The following INTS6 variants were observed in gnomAD, a reference collection of about 807,000 sequenced individuals.
The protein encoded by INTS6 is integrator complex subunit 6, also known as DEAD box protein.
Under a neutral mutation model 104.9 loss-of-function variants are expected in INTS6, and 16 were observed. The ratio of observed to expected loss-of-function variants is 0.15; its 90% confidence interval spans 0.10 to 0.23. The LOEUF (loss-of-function observed/expected upper bound fraction) is 0.23, where lower values mean the gene tolerates loss of function less well. INTS6 is among the 10% of genes least tolerant of loss of function. The pLI is 1.00. For synonymous variants in INTS6, 324 were observed against 358.7 expected (o/e 0.90, Z 1.09); for missense variants, 584 against 1,062.8 (o/e 0.55, Z 6.26).
Position 51,364,332 on chromosome 13 carries a change from T to G in INTS6, c.*1420A>C. The G allele has an allele frequency of 9.1e-7, 1 of 1,101,514 alleles. No homozygotes were observed. 68.2% of individuals were successfully genotyped at this position (1,101,514 alleles called of 1,614,324 possible). A position where few individuals can be genotyped will look rare whatever the true frequency, so the allele number is the denominator to read the frequency against. On this transcript the variant is annotated 3_prime_UTR_variant, in exon 18 of 18. Coordinates refer to ENST00000311234, the MANE Select transcript of INTS6 (RefSeq NM_012141.3). Reference sequence around the variant, plus strand: ...TGCTTTTCTTCATAAAGTTATAATTTCATTTTGCTATACCCTTGAAATTTA... The same window carrying G: ...TGCTTTTCTTCATAAAGTTATAATTGCATTTTGCTATACCCTTGAAATTTA...
chr13:51,356,524 G>A (rs1004902333), intron 3 of INTS6, among the ~76,000 whole-genome samples: 22 of 152,052 alleles, frequency 1.4e-4, no homozygotes, highest in African/African-American at 5.1e-4. Flanking sequence ...CTTCTACATC[G>A]CTGTATTTTC....
intron 3 of INTS6, among the ~76,000 whole-genome samples, chr13:51,356,003 C>T (rs1955476013): frequency 1.3e-5 from 2 of 152,152 alleles, no homozygotes; most frequent in Non-Finnish European, 2.9e-5. Context: ...GGCTCAGAAT[C>T]TTCCTTCTTA....
intron 4 of INTS6, among the ~76,000 whole-genome samples, chr13:51,414,835 C>T (rs1456992829): frequency 4.8e-5 from 6 of 123,934 alleles, no homozygotes; most frequent in Non-Finnish European, 1.1e-4. Context: ...TTCTTCTATA[C>T]ACACACACAC....
In INTS6 at chr13:51,369,034, T is replaced by C. The variant is rs1483570474; in HGVS notation, c.2381A>G (p.Asn794Ser). The C allele has an allele frequency of 3.7e-6, 6 of 1,613,776 alleles. No individual in the cohort carries two copies. The highest frequency in any genetic ancestry group is 5.1e-6 in the Non-Finnish European group (6 of 1,179,854). The change falls in exon 16 of 18, where the codon AAC becomes AGC. Residue 794 changes from asparagine to serine, a missense_variant. By Grantham distance (46) the Asn-to-Ser change is conservative (BLOSUM62 1). This residue lies in a region of INTS6 where 296 missense variants were observed against 437.0 expected (regional missense o/e 0.68). Coordinates refer to ENST00000311234, the MANE Select transcript of INTS6 (RefSeq NM_012141.3). ...GCAATGCATCAATTTCTTTCCTTTGTTGAGTGAAGATGCTGGTATGTTCTC... is the reference window on the plus strand; with the variant it reads ...GCAATGCATCAATTTCTTTCCTTTGCTGAGTGAAGATGCTGGTATGTTCTC... ...AEENIPASSL[N>S]KGKKLMHCRS...
chr13:51,351,207 C>CA (rs1276844444), downstream of INTS6, among the ~76,000 whole-genome samples: 1 of 152,180 alleles, frequency 6.6e-6, no homozygotes, highest in Non-Finnish European at 1.5e-5. Flanking sequence ...CTACATTTTA[C>CA]ATTTTGAAGA....
chr13:51,452,608 C>T lies in INTS6; in HGVS notation c.-83G>A. On this transcript the variant is annotated 5_prime_UTR_variant, in exon 1 of 18. Coordinates refer to ENST00000311234, the MANE Select transcript of INTS6 (RefSeq NM_012141.3). This position sits in a 1 kb window ranked among gnomAD's most constrained non-coding sequence, Gnocchi z 4.2. ...TGGAGGCGCCGGTGGCGGCGACCGC[C>T]GCTACGCGGGGCGGGGGAGCACGGC... The T allele has an allele frequency of 1.3e-6, 2 of 1,552,966 alleles. No individual in the cohort carries two copies. Among genetic ancestry groups the T allele is most frequent in the Non-Finnish European group, 1.7e-6 (2 of 1,147,192 alleles).
At chr13:51,380,939 T>C (rs956475438) in intron 10 of INTS6, among the ~76,000 whole-genome samples, 12 of 152,240 alleles carry the variant, frequency 7.9e-5, no homozygotes, top group African/African-American at 2.6e-4. Flanking sequence ...AAAATAAATA[T>C]AGTCGGCCCT....
At chr13:51,421,373 A>C in intron 4 of INTS6, 4 of 814,782 alleles carry the variant, frequency 4.9e-6, no homozygotes, top group Non-Finnish European at 4.5e-6. Context: ...AACAAACAAA[A>C]CAAAGGGGGA....
At chr13:51,375,762 T>TGC (rs573807741) in intron 13 of INTS6, among the ~76,000 whole-genome samples, 3 of 151,392 alleles carry the variant, frequency 2.0e-5, no homozygotes, top group African/African-American at 7.3e-5. Context: ...TGTGTGTGTG[T>TGC]GTGTGCGCGC....
downstream of INTS6, among the ~76,000 whole-genome samples, chr13:51,351,013 T>C (rs775774465): frequency 6.6e-6 from 1 of 152,210 alleles, no homozygotes; most frequent in Non-Finnish European, 1.5e-5. Flanking sequence ...TCCATTGTAT[T>C]GATATAGTAC....
At chr13:51,381,848 G>A (rs1391970451) in intron 10 of INTS6, among the ~76,000 whole-genome samples, 181 bp downstream of exon 10, 2 of 151,784 alleles carry the variant, frequency 1.3e-5, no homozygotes, top group African/African-American at 4.8e-5. Context: ...GATTACAGGC[G>A]CCCGCCACCA....
chr13:51,406,478 C>T (rs2138013302), intron 4 of INTS6, among the ~76,000 whole-genome samples: 1 of 152,236 alleles, frequency 6.6e-6, no homozygotes, highest in Non-Finnish European at 1.5e-5. Context: ...GTTTCTTACA[C>T]CCCCAACTGC....
Position 51,368,932 on chromosome 13 carries a change from T to C in INTS6, c.2476+7A>G, listed in dbSNP as rs981052840. The C allele has an allele frequency of 6.4e-7, 1 of 1,573,022 alleles. No individual in the cohort carries two copies. The highest frequency in any genetic ancestry group is 1.4e-5 in the African/African-American group (1 of 73,098). On this transcript the variant is annotated splice_region_variant and intron_variant, in intron 16 of 17. Transcript: ENST00000311234. Reference sequence around the variant, plus strand: ...CAGATCTGAGGTTCGTCTCTTATTATACATACTTCTTCCTGGCTTTCGGAT... The same window carrying C: ...CAGATCTGAGGTTCGTCTCTTATTACACATACTTCTTCCTGGCTTTCGGAT...
chr13:51,395,567 A>G, intron 4 of INTS6, 84 bp from the exon 5 acceptor site: 1 of 1,149,114 alleles, frequency 8.7e-7, no homozygotes, highest in Non-Finnish European at 1.2e-6. Flanking sequence ...TTACGTTAGA[A>G]CTGCATCAAC....
downstream of INTS6, among the ~76,000 whole-genome samples, chr13:51,358,373 A>G (rs1288044262): frequency 6.6e-6 from 1 of 152,190 alleles, no homozygotes; most frequent in African/African-American, 2.4e-5. Context: ...CAATGTTTAT[A>G]CAACGTCATG....
rs1219813039 is a variant in INTS6, at chr13:51,364,062, G to A, written c.*1690C>T. 1 of 388,522 alleles carries A rather than the reference G, an allele frequency of 2.6e-6. No individual in the cohort carries two copies. Among genetic ancestry groups the A allele is most frequent in the Non-Finnish European group, 4.5e-6 (1 of 220,418 alleles). 24.1% of individuals were successfully genotyped at this position (388,522 alleles called of 1,614,324 possible). On this transcript the variant is annotated 3_prime_UTR_variant, in exon 18 of 18. Coordinates refer to ENST00000311234, the MANE Select transcript of INTS6 (RefSeq NM_012141.3). Reference sequence around the variant, plus strand: ...AATTTAGGAACAGACAATATATTCTGGATTTTGTGTAACTCTCAATGAATT... The same window carrying A: ...AATTTAGGAACAGACAATATATTCTAGATTTTGTGTAACTCTCAATGAATT...
chr13:51,400,572 G>A (rs1593709912), intron 4 of INTS6, among the ~76,000 whole-genome samples: 1 of 152,210 alleles, frequency 6.6e-6, no homozygotes, highest in East Asian at 1.9e-4. Context: ...TGCTGCACTA[G>A]AATGTCACCT....
chr13:51,452,830 C>G lies in INTS6; in HGVS notation c.-305G>C. ...TCCCCCCCGCCTCGGGGGTCCCGTCCCCGCTCCCGGCCCCTGTGTGTGTCC... is the reference window on the plus strand; with the variant it reads ...TCCCCCCCGCCTCGGGGGTCCCGTCGCCGCTCCCGGCCCCTGTGTGTGTCC... On this transcript the variant is annotated 5_prime_UTR_variant, in exon 1 of 18. Coordinates refer to ENST00000311234, the MANE Select transcript of INTS6 (RefSeq NM_012141.3). The surrounding 1 kb of genome is among the most constrained non-coding windows in gnomAD (Gnocchi z 4.2). The G allele has an allele frequency of 8.6e-7, 1 of 1,167,296 alleles. No individual in the cohort carries two copies. Among genetic ancestry groups the G allele is most frequent in the South Asian group, 1.8e-5 (1 of 55,652 alleles). 72.3% of individuals were successfully genotyped at this position (1,167,296 alleles called of 1,614,324 possible). A position where few individuals can be genotyped will look rare whatever the true frequency, so the allele number is the denominator to read the frequency against.
chr13:51,450,649 A>G (rs1247480360), intron 3 of INTS6: 1 of 988,872 alleles, frequency 1.0e-6, no homozygotes, highest in African/African-American at 1.7e-5. Context: ...CTTTACTAAT[A>G]TAGAAACGAA....
Sources: gnomAD v4.1 joint callset for allele counts (sites outside exome capture counted in the v4.1 genomes callset) on GRCh38, gnomAD v4.1.1 for gene constraint, gnomAD v4.1.1 regional missense constraint, Gnocchi (gnomAD v3.1) non-coding constraint, MANE v1.5 for transcripts, NCBI Gene and HGNC (gene_info 2026-07-23, HGNC 2026-07-21) for gene names.